The following GALNT14 variants were observed in gnomAD, a reference collection of about 807,000 sequenced individuals.
The protein encoded by GALNT14 is polypeptide N-acetylgalactosaminyltransferase 14, also known as UDP-GalNAc:polypeptide N-acetylgalactosaminyltransferase 14.
Under a neutral mutation model 77.5 loss-of-function variants are expected in GALNT14, and 60 were observed. That is an observed-to-expected ratio of 0.77 (90% CI 0.63 to 0.96). The LOEUF is 0.96. GALNT14 is among the 40% of genes least tolerant of loss of function. GALNT14 has a pLI of 0.00. For missense variants in GALNT14, 710 were observed against 731.0 expected, an observed-to-expected ratio of 0.97 and a Z score of 0.33; for synonymous variants, 280 against 281.7, an observed-to-expected ratio of 0.99 and a Z score of 0.06.
At chr2:30,893,198 T>C in the GALNT14 span, among the ~76,000 whole-genome samples, 7 of 152,212 alleles carry the variant, frequency 4.6e-5, no homozygotes, top group Non-Finnish European at 8.8e-5. Flanking sequence ...GGATGTTTAC[T>C]ATGCAGCACA....
At chr2:31,040,690 C>T (rs1055034084) in intron 1 of GALNT14, among the ~76,000 whole-genome samples, 1 of 152,190 alleles carries the variant, frequency 6.6e-6, no homozygotes, top group Non-Finnish European at 1.5e-5. Context: ...TGATAAGAAT[C>T]CCTGAGGCTT....
intron 3 of GALNT14, among the ~76,000 whole-genome samples, chr2:30,959,598 G>A (rs1208930955): frequency 6.6e-6 from 1 of 152,210 alleles, no homozygotes; most frequent in African/African-American, 2.4e-5. Flanking sequence ...TCACAGTGCA[G>A]TTGAGCAAAT....
chr2:31,061,782 T>A (rs745751429), intron 1 of GALNT14, among the ~76,000 whole-genome samples: 21 of 152,168 alleles, frequency 1.4e-4, no homozygotes, highest in Non-Finnish European at 2.5e-4. Flanking sequence ...GTTCTTTCCA[T>A]TATTCCTCAT....
intron 1 of GALNT14, among the ~76,000 whole-genome samples, chr2:31,006,339 G>A (rs775974426): frequency 3.3e-5 from 5 of 151,900 alleles, no homozygotes; most frequent in Non-Finnish European, 5.9e-5. Context: ...TAATGACAAC[G>A]ACAACTACTG....
At chr2:31,027,625 G>C (rs1269598082) in intron 1 of GALNT14, among the ~76,000 whole-genome samples, 2 of 152,154 alleles carry the variant, frequency 1.3e-5, no homozygotes, top group African/African-American at 4.8e-5. Context: ...GGCCAGGGGA[G>C]TGATATTAGC....
At chr2:31,078,741 T>A (rs1675968570) in intron 1 of GALNT14, among the ~76,000 whole-genome samples, 1 of 152,002 alleles carries the variant, frequency 6.6e-6, no homozygotes, top group Admixed American at 6.6e-5. Context: ...AGAAGCTAGA[T>A]TGCATGGTGA....
intron 1 of GALNT14, among the ~76,000 whole-genome samples, chr2:31,094,465 C>T (rs993866449): frequency 6.6e-6 from 1 of 152,212 alleles, no homozygotes; most frequent in Non-Finnish European, 1.5e-5. Context: ...GACCCGATGC[C>T]ATTTGGAGGC....
the GALNT14 span, among the ~76,000 whole-genome samples, chr2:30,898,801 G>A: frequency 6.6e-6 from 1 of 152,176 alleles, no homozygotes; most frequent in Admixed American, 6.5e-5. Flanking sequence ...GGATCAAGAA[G>A]GGAAGGGGAA....
At chr2:30,991,888 C>A (rs1359220990) in intron 2 of GALNT14, among the ~76,000 whole-genome samples, 1 of 152,184 alleles carries the variant, frequency 6.6e-6, no homozygotes, top group Non-Finnish European at 1.5e-5. Flanking sequence ...TGCTCTACTG[C>A]TCATAAACCC....
downstream of GALNT14, among the ~76,000 whole-genome samples, chr2:30,907,060 G>C (rs1231652144): frequency 1.3e-5 from 2 of 152,332 alleles, no homozygotes; most frequent in South Asian, 2.1e-4. Flanking sequence ...ATTCAAAGCA[G>C]TGTGTAGAGG....
chr2:30,890,156 C>G, the GALNT14 span, among the ~76,000 whole-genome samples: 1 of 152,094 alleles, frequency 6.6e-6, no homozygotes, highest in African/African-American at 2.4e-5. Flanking sequence ...AAAGGAGGAG[C>G]CCGGTGGTCT....
intron 6 of GALNT14, among the ~76,000 whole-genome samples, chr2:30,952,983 T>C (rs1448498724): frequency 6.6e-6 from 1 of 152,196 alleles, no homozygotes; most frequent in Non-Finnish European, 1.5e-5. Flanking sequence ...CCTTGTCTCT[T>C]CTGTATAAAA....
chr2:31,059,168 C>T (rs943159281), intron 1 of GALNT14, among the ~76,000 whole-genome samples: 1 of 152,170 alleles, frequency 6.6e-6, no homozygotes, highest in Non-Finnish European at 1.5e-5. Flanking sequence ...TCCCAAGGGA[C>T]AATATTTCTT....
At chr2:30,923,882 C>G (rs145661590) in intron 13 of GALNT14, among the ~76,000 whole-genome samples, 2 of 152,212 alleles carry the variant, frequency 1.3e-5, no homozygotes, top group African/African-American at 4.8e-5. Flanking sequence ...GGGCAATTTC[C>G]TATAGGCAGG....
At chr2:30,892,592 G>A in the GALNT14 span, among the ~76,000 whole-genome samples, 1 of 152,168 alleles carries the variant, frequency 6.6e-6, no homozygotes, top group African/African-American at 2.4e-5. Context: ...TTGGTATAAT[G>A]AACAGCCTTG....
intron 1 of GALNT14, among the ~76,000 whole-genome samples, chr2:31,051,470 T>C (rs575016870): frequency 5.9e-5 from 9 of 152,312 alleles, no homozygotes; most frequent in Admixed American, 5.9e-4. Flanking sequence ...AACCCCTGTC[T>C]GAGATTCCAG....
intron 3 of GALNT14, among the ~76,000 whole-genome samples, chr2:30,960,424 G>T (rs1355564232): frequency 6.6e-6 from 1 of 152,106 alleles, no homozygotes; most frequent in Admixed American, 6.5e-5. Flanking sequence ...ATCGCGTGCG[G>T]CTCTGCACTG....
At chr2:30,900,264 C>G in the GALNT14 span, among the ~76,000 whole-genome samples, 2 of 152,162 alleles carry the variant, frequency 1.3e-5, no homozygotes, top group Non-Finnish European at 2.9e-5. Context: ...TTTTGGGGCT[C>G]TACTGAAGTG....
chr2:31,013,408 G>C (rs1671157684), intron 1 of GALNT14, among the ~76,000 whole-genome samples: 1 of 152,182 alleles, frequency 6.6e-6, no homozygotes, highest in South Asian at 2.1e-4. Flanking sequence ...ATGCAAGAAA[G>C]AAATCATCAA....
Sources: gnomAD v4.1 joint callset for allele counts (sites outside exome capture counted in the v4.1 genomes callset) on GRCh38, gnomAD v4.1.1 for gene constraint, MANE v1.5 for transcripts, NCBI Gene and HGNC (gene_info 2026-07-23, HGNC 2026-07-21) for gene names.